Variants in GABRG3 observed in about 807,000 individuals in gnomAD.
GABRG3 encodes the protein gamma-aminobutyric acid receptor subunit gamma-3.
GABRG3 carries 25 observed loss-of-function variants against 48.8 expected under a neutral mutation model. The observed-to-expected ratio is 0.51, with a 90% CI of 0.37 to 0.72. GABRG3 has a LOEUF of 0.72. Ranked by LOEUF, GABRG3 falls within the 30% of genes least tolerant of loss-of-function variation. GABRG3 has a pLI of 0.00. For missense variants in GABRG3, 394 were observed against 577.9 expected, an observed-to-expected ratio of 0.68 and a Z score of 3.26; for synonymous variants, 227 against 217.6, an observed-to-expected ratio of 1.04 and a Z score of -0.38.
rs142670171 is a variant in GABRG3, at chr15:27,342,557, G to A, written c.574+13669G>A. Among the ~76,000 whole-genome samples, 549 of 152,296 alleles carry A rather than the reference G, an allele frequency of 3.6e-3. 3 individuals carry two copies. The highest frequency in any genetic ancestry group is 0.013 in the African/African-American group (526 of 41,572). On this transcript the variant is annotated intron_variant, in intron 5 of 9. Transcript: ENST00000615808. ...CTTCCATTCCCACAGACCTTCCAGA[G>A]AAAAGAAACGTGGAAATGCAAGGGT...
At chr15:27,344,746 G>A (rs551600162) in intron 5 of GABRG3, among the ~76,000 whole-genome samples, 44 of 151,944 alleles carry the variant, frequency 2.9e-4, no homozygotes, top group African/African-American at 1.0e-3. Flanking sequence ...TCTTGTCTCT[G>A]CCATTTGGTA....
chr15:27,080,090 G>A (rs1057043427), intron 3 of GABRG3, among the ~76,000 whole-genome samples: 5 of 152,010 alleles, frequency 3.3e-5, no homozygotes, highest in South Asian at 2.1e-4. Flanking sequence ...GAGTAGATGC[G>A]TCCTCTCTAA....
chr15:27,120,458 C>T (rs1342816179), intron 3 of GABRG3, among the ~76,000 whole-genome samples: 1 of 152,124 alleles, frequency 6.6e-6, no homozygotes, highest in Non-Finnish European at 1.5e-5. Flanking sequence ...GATGCATACT[C>T]TTGTTGACTG....
At chr15:27,325,735 A>G (rs1441294898) in intron 3 of GABRG3, among the ~76,000 whole-genome samples, 1 of 152,186 alleles carries the variant, frequency 6.6e-6, no homozygotes, top group African/African-American at 2.4e-5. Context: ...AGTGAAGCAA[A>G]GAAATGATGA....
At chr15:27,253,192 C>T (rs983138315) in intron 3 of GABRG3, among the ~76,000 whole-genome samples, 2 of 152,200 alleles carry the variant, frequency 1.3e-5, no homozygotes, top group Non-Finnish European at 2.9e-5. Flanking sequence ...CCTAAGAAGG[C>T]ACCGCAAAGG....
At chr15:27,205,320 T>C (rs1566964646) in intron 3 of GABRG3, among the ~76,000 whole-genome samples, 2 of 152,194 alleles carry the variant, frequency 1.3e-5, no homozygotes, top group African/African-American at 4.8e-5. Flanking sequence ...GATCATGTGC[T>C]TTTTGTTTTT....
At chr15:27,020,639 G>T (rs896634448) in intron 2 of GABRG3, among the ~76,000 whole-genome samples, 2 of 151,592 alleles carry the variant, frequency 1.3e-5, no homozygotes, top group African/African-American at 4.9e-5. Context: ...GGATGGTCTC[G>T]ATCTCCCGAC....
chr15:26,972,167 C>T (rs1211841108), intron 1 of GABRG3, among the ~76,000 whole-genome samples: 3 of 152,178 alleles, frequency 2.0e-5, no homozygotes, highest in Non-Finnish European at 4.4e-5. Context: ...ACACCTTCCA[C>T]ATCAGCCACT....
At chr15:27,518,267 G>A (rs1891074285) in intron 6 of GABRG3, among the ~76,000 whole-genome samples, 1 of 151,322 alleles carries the variant, frequency 6.6e-6, no homozygotes, top group Admixed American at 6.6e-5. Flanking sequence ...TACTTGAAAG[G>A]CTGGGGCAAG....
chr15:27,313,650 T>C (rs759893315), intron 3 of GABRG3, among the ~76,000 whole-genome samples: 12 of 151,642 alleles, frequency 7.9e-5, no homozygotes, highest in Non-Finnish European at 1.3e-4. Context: ...CCAAACACAA[T>C]GAAATGAAGT....
chr15:27,512,175 G>A (rs1299171792), intron 6 of GABRG3, among the ~76,000 whole-genome samples: 2 of 152,088 alleles, frequency 1.3e-5, no homozygotes, highest in Non-Finnish European at 2.9e-5. Context: ...AAAATAATCT[G>A]CAGAAGGACA....
chr15:27,113,328 T>C (rs1223581323), intron 3 of GABRG3, among the ~76,000 whole-genome samples: 1 of 152,204 alleles, frequency 6.6e-6, no homozygotes, highest in East Asian at 1.9e-4. Context: ...TGCGTTAATT[T>C]TTTCTTTTTA....
intron 3 of GABRG3, among the ~76,000 whole-genome samples, chr15:27,296,479 G>A (rs767744341): frequency 6.6e-6 from 1 of 152,088 alleles, no homozygotes; most frequent in Non-Finnish European, 1.5e-5. Flanking sequence ...GAAATGGTAA[G>A]CAAGATGGTT....
At chr15:27,434,241 T>G (rs1888541516) in intron 5 of GABRG3, among the ~76,000 whole-genome samples, 1 of 152,224 alleles carries the variant, frequency 6.6e-6, no homozygotes, top group South Asian at 2.1e-4. Flanking sequence ...TAGTGTGTTT[T>G]AAGTTTGTGT....
chr15:27,292,573 A>G (rs995941490), intron 3 of GABRG3, among the ~76,000 whole-genome samples: 1 of 152,220 alleles, frequency 6.6e-6, no homozygotes, highest in Non-Finnish European at 1.5e-5. Flanking sequence ...ACTATAGATG[A>G]TACAAAAATA....
intron 6 of GABRG3, among the ~76,000 whole-genome samples, chr15:27,491,382 A>G (rs1890350665): frequency 6.6e-6 from 1 of 152,254 alleles, no homozygotes; most frequent in Admixed American, 6.5e-5. Context: ...TCAGACAGGC[A>G]GCCCAGTCCA....
chr15:27,121,487 A>G (rs965469318), intron 3 of GABRG3, among the ~76,000 whole-genome samples: 1 of 152,214 alleles, frequency 6.6e-6, no homozygotes, highest in Admixed American at 6.5e-5. Flanking sequence ...AGCTATATGC[A>G]TAACTACATA....
At chr15:27,174,584 G>GTCTCTCTCTCTCTCTCTCTC (rs150022606) in intron 3 of GABRG3, among the ~76,000 whole-genome samples, 17 of 139,654 alleles carry the variant, frequency 1.2e-4, no homozygotes, top group African/African-American at 4.1e-4. Flanking sequence ...TCTCTCTCTC[G>GTCTCTCTCTCTCTCTCTCTC]TCTCTCTCTC....
chr15:27,521,286 G>C (rs1891153873), intron 7 of GABRG3, among the ~76,000 whole-genome samples: 1 of 152,066 alleles, frequency 6.6e-6, no homozygotes, highest in African/African-American at 2.4e-5. Flanking sequence ...AAGATGTTTA[G>C]TTTAGACACC....
Sources: gnomAD v4.1 joint callset for allele counts (sites outside exome capture counted in the v4.1 genomes callset) on GRCh38, gnomAD v4.1.1 for gene constraint, MANE v1.5 for transcripts, NCBI Gene and HGNC (gene_info 2026-07-23, HGNC 2026-07-21) for gene names.